Variants in DDX10 observed in about 807,000 individuals in gnomAD.
DDX10 encodes the protein probable ATP-dependent RNA helicase DDX10.
Under a neutral mutation model 104.3 loss-of-function variants are expected in DDX10, and 74 were observed. The ratio of observed to expected loss-of-function variants is 0.71; its 90% CI spans 0.59 to 0.86. The LOEUF (loss-of-function observed/expected upper bound fraction) is 0.86. Among genes scored for constraint, DDX10 ranks in the 40% least tolerant of loss-of-function variants. The pLI is 0.00. For missense variants in DDX10, 952 were observed against 1,040.0 expected (o/e 0.92, Z 1.16); for synonymous variants, 351 against 353.4 (o/e 0.99, Z 0.08).
At chr11:108,847,101 T>A (rs1303103336) in intron 15 of DDX10, among the ~76,000 whole-genome samples, 1 of 152,218 alleles carries the variant, frequency 6.6e-6, no homozygotes, top group African/African-American at 2.4e-5. Flanking sequence ...TTATTTTCTC[T>A]TTAGAACCTC....
intron 13 of DDX10, among the ~76,000 whole-genome samples, chr11:108,738,605 G>C (rs2094321182): frequency 6.6e-6 from 1 of 152,084 alleles, no homozygotes; most frequent in African/African-American, 2.4e-5. Flanking sequence ...GTAATTACAT[G>C]ATTAGGTATG....
At chr11:108,732,873 T>C (rs2094313997) in intron 13 of DDX10, among the ~76,000 whole-genome samples, 1 of 152,214 alleles carries the variant, frequency 6.6e-6, no homozygotes, top group Non-Finnish European at 1.5e-5. Context: ...TTTGGAACAC[T>C]TATTTCCTTA....
At chr11:108,670,655 CTG>C (rs1361054852) in intron 1 of DDX10, among the ~76,000 whole-genome samples, 3 of 152,082 alleles carry the variant, frequency 2.0e-5, no homozygotes, top group Non-Finnish European at 2.9e-5. Context: ...TGCTGGAAAA[CTG>C]GGGATTGAGG....
chr11:108,843,387 C>T (rs1565295972), intron 15 of DDX10, among the ~76,000 whole-genome samples: 2 of 100,250 alleles, frequency 2.0e-5, no homozygotes, highest in South Asian at 7.8e-4. Context: ...GCTGCTTGCA[C>T]ATCCTTTTTT....
Position 108,684,459 on chromosome 11 carries a change from T to C in DDX10, c.849-4477T>C, listed in dbSNP as rs1252625677. Among the ~76,000 whole-genome samples, 35 of 147,194 alleles carry C rather than the reference T, an allele frequency of 2.4e-4. No individual in the cohort carries two copies. The East Asian group carries it at 3.1e-3, about 13-fold the overall frequency. On this transcript the variant is annotated intron_variant, in intron 6 of 17. Coordinates refer to ENST00000322536, the MANE Select transcript of DDX10 (RefSeq NM_004398.4). ...AGTGAGAATATGCAGTGTTTGGTTTTTTGTTCTTGCGATAGTTTACTGAGA... is the reference window on the plus strand; with the variant it reads ...AGTGAGAATATGCAGTGTTTGGTTTCTTGTTCTTGCGATAGTTTACTGAGA...
chr11:108,722,483 A>C (rs1436074723), intron 12 of DDX10, among the ~76,000 whole-genome samples: 1 of 152,182 alleles, frequency 6.6e-6, no homozygotes, highest in Admixed American at 6.5e-5. Flanking sequence ...ATTCTCTTTT[A>C]GGAAGGGAGA....
At chr11:108,782,526 CA>C (rs1405963466) in intron 13 of DDX10, among the ~76,000 whole-genome samples, 1 of 152,100 alleles carries the variant, frequency 6.6e-6, no homozygotes, top group East Asian at 1.9e-4. Context: ...ACTCATCTAC[CA>C]TATCCTTATA....
intron 10 of DDX10, among the ~76,000 whole-genome samples, chr11:108,710,901 C>T (rs7929960): frequency 0.056 from 8,465 of 152,188 alleles, 823 homozygotes; most frequent in African/African-American, 0.19. Context: ...GTGATCCTCC[C>T]GAGTAGCCTG....
rs1376735982 is a variant in DDX10, at chr11:108,868,183, TAAC to T, written c.2304+15977_2304+15979del. ...GGGCCTCATGTCATTTAATACCTAATAACAAAGGACTTTCATAGCAGCATTGTG... is the reference window on the plus strand; with the variant it reads ...GGGCCTCATGTCATTTAATACCTAATAAAGGACTTTCATAGCAGCATTGTG... On this transcript the variant is annotated intron_variant, in intron 16 of 17. Coordinates refer to ENST00000322536, the MANE Select transcript of DDX10 (RefSeq NM_004398.4). The T allele has an allele frequency of 4.6e-5, 7 of 152,264 alleles. No individual in the cohort carries two copies. The East Asian group carries it at 1.3e-3, about 29-fold the overall frequency. The allele number at this position is 152,264 out of a possible 1,614,324, so 9.4% of individuals were successfully genotyped here.
chr11:108,919,351 T>G (rs1863793160), intron 17 of DDX10: 1 of 152,218 alleles, frequency 6.6e-6, no homozygotes, highest in African/African-American at 2.4e-5. Flanking sequence ...GCCATAAGGA[T>G]TAAATAATTT....
chr11:108,807,686 G>A (rs1220855029), intron 13 of DDX10, among the ~76,000 whole-genome samples: 3 of 152,182 alleles, frequency 2.0e-5, no homozygotes, highest in Admixed American at 2.0e-4. Context: ...AGGCCTCTAG[G>A]TGAAAATGCT....
intron 2 of DDX10, 66 bp downstream of exon 2, chr11:108,673,593 A>T: frequency 8.3e-7 from 1 of 1,206,868 alleles, no homozygotes; most frequent in South Asian, 1.3e-5. Context: ...ATGGGAGAAG[A>T]TTTAGAGGGT....
At chr11:108,725,597 A>G (rs2094304442) in intron 13 of DDX10, among the ~76,000 whole-genome samples, 1 of 152,132 alleles carries the variant, frequency 6.6e-6, no homozygotes, top group African/African-American at 2.4e-5. Flanking sequence ...TGCCATTCAT[A>G]TATCTTCTTT....
At chr11:108,674,077 A>G (rs1056686022) in intron 2 of DDX10, among the ~76,000 whole-genome samples, 1 of 152,118 alleles carries the variant, frequency 6.6e-6, no homozygotes, top group African/African-American at 2.4e-5. Context: ...TAATCCCAGT[A>G]CTTTGGGAGG....
At chr11:108,706,470 A>G (rs2094276360) in intron 9 of DDX10, among the ~76,000 whole-genome samples, 1 of 152,192 alleles carries the variant, frequency 6.6e-6, no homozygotes, top group South Asian at 2.1e-4. Context: ...GTAGAGAGCT[A>G]TTTAAGAAAA....
intron 16 of DDX10, among the ~76,000 whole-genome samples, chr11:108,900,645 G>A (rs1044845122): frequency 2.0e-5 from 3 of 152,126 alleles, no homozygotes; most frequent in South Asian, 2.1e-4. Context: ...TTGCACAACC[G>A]GAATGGTGGA....
chr11:108,891,244 C>T (rs888699360), intron 16 of DDX10, among the ~76,000 whole-genome samples: 1 of 152,126 alleles, frequency 6.6e-6, no homozygotes, highest in South Asian at 2.1e-4. Flanking sequence ...AAAAACTAAT[C>T]TTTTGGTTTT....
intron 16 of DDX10, among the ~76,000 whole-genome samples, chr11:108,864,749 C>T (rs866266107): frequency 7.2e-5 from 11 of 152,276 alleles, no homozygotes; most frequent in Middle Eastern, 3.4e-3. Context: ...TGTGAGCCAC[C>T]GTGCCTGGCA....
chr11:108,838,716 C>A, intron 14 of DDX10, 151 bp downstream of exon 14: 1 of 871,752 alleles, frequency 1.1e-6, no homozygotes, highest in Non-Finnish European at 1.7e-6. Context: ...GGCTGTACAT[C>A]AGCTCTACTG....
Sources: gnomAD v4.1 joint callset for allele counts (sites outside exome capture counted in the v4.1 genomes callset) on GRCh38, gnomAD v4.1.1 for gene constraint, MANE v1.5 for transcripts, NCBI Gene and HGNC (gene_info 2026-07-23, HGNC 2026-07-21) for gene names.